SKP1: variants seen among roughly 807,000 people sequenced by gnomAD.
SKP1 encodes S-phase kinase associated protein 1.
Under a neutral mutation model 21.5 loss-of-function variants are expected in SKP1, and 1 was observed. The observed-to-expected ratio is 0.05, with a 90% CI of 0.02 to 0.22. The LOEUF is 0.22. Ranked by LOEUF, SKP1 falls within the 10% of genes least tolerant of loss-of-function variation. The pLI is 1.00. For missense variants in SKP1, 70 were observed against 192.0 expected (o/e 0.36, Z 3.76); for synonymous variants, 59 against 59.3 (o/e 0.99, Z 0.03).
chr5:134,162,866 A>G (rs957598863), intron 3 of SKP1, among the ~76,000 whole-genome samples: 1 of 152,064 alleles, frequency 6.6e-6, no homozygotes, highest in Non-Finnish European at 1.5e-5. Flanking sequence ...TAAGGCCGGA[A>G]GTTCAAGAAT....
At chr5:134,171,424 T>C (rs1761438183) in intron 2 of SKP1, among the ~76,000 whole-genome samples, 1 of 152,160 alleles carries the variant, frequency 6.6e-6, no homozygotes, top group African/African-American at 2.4e-5. Flanking sequence ...AGCCCCAACA[T>C]CATCATCTTC....
At chr5:134,160,762 C>T (rs1225672632) in intron 4 of SKP1, among the ~76,000 whole-genome samples, 1 of 152,192 alleles carries the variant, frequency 6.6e-6, no homozygotes, top group Admixed American at 6.5e-5. Context: ...GGGTTTCTTA[C>T]AGACAGCACA....
chr5:134,162,754 A>C (rs1012875961), intron 3 of SKP1, among the ~76,000 whole-genome samples: 1 of 152,020 alleles, frequency 6.6e-6, no homozygotes, highest in Non-Finnish European at 1.5e-5. Flanking sequence ...AAATTTAAAA[A>C]CGTCAATATT....
At chr5:134,174,892 C>G (rs1371689003) in intron 1 of SKP1, 1 of 149,086 alleles carries the variant, frequency 6.7e-6, no homozygotes. Flanking sequence ...AGAAAACATA[C>G]AAACAAGGAA....
chr5:134,164,118 C>T (rs932303699), intron 3 of SKP1, among the ~76,000 whole-genome samples: 1 of 151,892 alleles, frequency 6.6e-6, no homozygotes, highest in Non-Finnish European at 1.5e-5. Context: ...GTCCGGAGTT[C>T]GAGACCAGCC....
chr5:134,166,019 CCTGT>C (rs1327630808), intron 3 of SKP1, among the ~76,000 whole-genome samples: 1 of 151,388 alleles, frequency 6.6e-6, no homozygotes, highest in Non-Finnish European at 1.5e-5. Context: ...ATGGTGAAAA[CCTGT>C]CTAATATAAA....
At chr5:134,173,012 CAAAA>C (rs199935510) in intron 2 of SKP1, among the ~76,000 whole-genome samples, 68 of 94,752 alleles carry the variant, frequency 7.2e-4, no homozygotes, top group African/African-American at 2.3e-3. Flanking sequence ...GACTCCGTCT[CAAAA>C]AAAAAAAAAA....
rs1216419873 is a variant in SKP1 at position 134,167,212 on chromosome 5, G to A, written c.129C>T (p.Asp43=). The A allele has an allele frequency of 3.1e-6, 5 of 1,607,502 alleles. No individual in the cohort carries two copies. In the East Asian group the frequency reaches 6.7e-5, roughly 22 times the overall value. ...CATTCACATTTGGTAGAGGAACTGGGTCATCATCTCCTTCATCATCCATTC... is the reference window on the plus strand; with the variant it reads ...CATTCACATTTGGTAGAGGAACTGGATCATCATCTCCTTCATCATCCATTC... ...DLGMDDEGDD[D]PVPLPNVNAA... is the part of the protein sequence containing the mutation. Residue 43 remains aspartate, a synonymous_variant, in exon 3 of 6, where the codon GAC becomes GAT. Transcript: ENST00000353411.
intron 2 of SKP1, among the ~76,000 whole-genome samples, chr5:134,170,193 T>TA (rs1346213563): frequency 1.3e-5 from 2 of 152,034 alleles, no homozygotes. Context: ...TAAAATAAAA[T>TA]AAAGGCTTTT....
rs1480940126 is a variant in SKP1 at position 134,157,404 on chromosome 5, G to A, written c.*329C>T. On this transcript the variant is annotated 3_prime_UTR_variant, in exon 6 of 6. Transcript: ENST00000353411. ...TTATTTACAATGCCAACTTTTAAAAGGTCACTAAAGTTAACTGGACAATAA... is the reference window on the plus strand; with the variant it reads ...TTATTTACAATGCCAACTTTTAAAAAGTCACTAAAGTTAACTGGACAATAA... 1 of 203,670 alleles carries A rather than the reference G, an allele frequency of 4.9e-6. No homozygotes were observed. Among genetic ancestry groups the A allele is most frequent in the African/African-American group, 2.3e-5 (1 of 43,054 alleles). The allele number at this position is 203,670 out of a possible 1,614,324, so 12.6% of individuals were successfully genotyped here.
intron 2 of SKP1, among the ~76,000 whole-genome samples, chr5:134,167,769 C>A (rs1443466682): frequency 6.6e-6 from 1 of 152,186 alleles, no homozygotes; most frequent in Admixed American, 6.5e-5. Flanking sequence ...CGTGATCTAC[C>A]CGCTTCAGCC....
intron 3 of SKP1, among the ~76,000 whole-genome samples, chr5:134,163,501 A>C (rs1761261196): frequency 1.3e-5 from 2 of 150,840 alleles, no homozygotes; most frequent in Non-Finnish European, 2.9e-5. Context: ...AAAAAAAAAA[A>C]CTTCTCGGCT....
At chr5:134,162,412 G>C (rs550724470) in intron 3 of SKP1, among the ~76,000 whole-genome samples, 1 of 152,032 alleles carries the variant, frequency 6.6e-6, no homozygotes, top group South Asian at 2.1e-4. Context: ...TTTTGTTTTC[G>C]TTTTAATTTT....
At chr5:134,167,683 C>G (rs1475223479) in intron 2 of SKP1, among the ~76,000 whole-genome samples, 2 of 152,122 alleles carry the variant, frequency 1.3e-5, no homozygotes, top group Admixed American at 1.3e-4. Context: ...GCCACCACGC[C>G]CGGCTAATTT....
At chr5:134,158,058 T>C in intron 5 of SKP1, 1 of 1,453,752 alleles carries the variant, frequency 6.9e-7, no homozygotes, top group Non-Finnish European at 9.1e-7. Flanking sequence ...TGTAGTCATG[T>C]CAACAAAATC....
At chr5:134,174,085 A>G in intron 1 of SKP1, 63 bp from the exon 2 acceptor site, 1 of 994,742 alleles carries the variant, frequency 1.0e-6, no homozygotes, top group Non-Finnish European at 1.6e-6. Context: ...CATTTCATCA[A>G]CTACAGTCCA....
In SKP1 at chr5:134,157,616, C is replaced by A; in HGVS notation, c.*117G>T. On this transcript the variant is annotated 3_prime_UTR_variant, in exon 6 of 6. Transcript: ENST00000353411. ...CAATGAGGACAATATTCTGCTAATA[C>A]AATTGACTTGCTGCTGCATTTGTCT... is the stretch of plus-strand genomic sequence containing the variant. 2.2e-6 allele frequency: 2 copies of A among 896,940 alleles called. No homozygotes were observed. The highest frequency in any genetic ancestry group is 1.9e-6 in the Non-Finnish European group (1 of 534,094). The allele number at this position is 896,940 out of a possible 1,614,324, so 55.6% of individuals were successfully genotyped here.
In SKP1 at chr5:134,151,643, TAA is replaced by T. The variant is rs1290239418; in HGVS notation, c.*6088_*6089del. 4.4e-6 allele frequency: 2 copies of T among 456,152 alleles called. No homozygotes were observed. The highest frequency in any genetic ancestry group is 6.9e-5 in the East Asian group (1 of 14,400). 28.3% of individuals were successfully genotyped at this position (456,152 alleles called of 1,614,324 possible). A position where few individuals can be genotyped will look rare whatever the true frequency, so the allele number is the denominator to read the frequency against. On this transcript the variant is annotated 3_prime_UTR_variant, in exon 6 of 6. Coordinates refer to ENST00000353411, the MANE Select transcript of SKP1 (RefSeq NM_170679.3). ...AGATATCAGAAGGTCTGAATATACT[TAA>T]ATACTTCCAGAAAATTTAAAGTTGA...
At chr5:134,169,251 C>A (rs1311461851) in intron 2 of SKP1, among the ~76,000 whole-genome samples, 1 of 152,110 alleles carries the variant, frequency 6.6e-6, no homozygotes, top group Non-Finnish European at 1.5e-5. Context: ...AAAGTAGATT[C>A]AAAAATAATT....
Sources: allele counts gnomAD v4.1 joint callset (sites outside exome capture counted in the v4.1 genomes callset), GRCh38; gene constraint gnomAD v4.1.1; transcripts MANE v1.5; gene names NCBI Gene and HGNC (gene_info 2026-07-23, HGNC 2026-07-21).